MANBA: variants seen among roughly 807,000 people sequenced by gnomAD.
MANBA encodes mannosidase beta, also known as beta-mannosidase.
Under a neutral mutation model 111.1 loss-of-function variants are expected in MANBA, and 83 were observed. The observed-to-expected ratio is 0.75, with a 90% CI of 0.63 to 0.90. The LOEUF (loss-of-function observed/expected upper bound fraction) is 0.90, where lower values mean the gene tolerates loss of function less well. MANBA is among the 40% of genes least tolerant of loss of function. MANBA has a pLI of 0.00. For synonymous variants in MANBA, 370 were observed against 378.7 expected (o/e 0.98, Z 0.27); for missense variants, 1,036 against 1,069.0 (o/e 0.97, Z 0.43).
Position 102,691,417 on chromosome 4 carries a change from G to A in MANBA, c.674-646C>T, listed in dbSNP as rs766818764. 5.9e-5 allele frequency among the ~76,000 whole-genome samples: 9 copies of A among 151,406 alleles called. 1 individual carries two copies. The highest frequency in any genetic ancestry group is 1.9e-4 in the East Asian group (1 of 5,188). On this transcript the variant is annotated intron_variant, in intron 5 of 16. Transcript: ENST00000647097. ...CAAAAGCATAATAATATCAGGACAG[G>A]AGAAATAAAAGGTTGTCCTGAGAAA...
intron 1 of MANBA, among the ~76,000 whole-genome samples, chr4:102,759,566 G>GAAA (rs33991375): frequency 7.2e-6 from 1 of 138,812 alleles, no homozygotes; most frequent in African/African-American, 2.6e-5. Flanking sequence ...CACATCTCAG[G>GAAA]AAAAAAAAAA....
chr4:102,639,814 C>A lies in MANBA; in HGVS notation c.1913G>T (p.Arg638Leu). 1 of 1,613,984 alleles carries A rather than the reference C, an allele frequency of 6.2e-7. No individual in the cohort carries two copies. The highest frequency in any genetic ancestry group is 8.5e-7 in the Non-Finnish European group (1 of 1,179,960). The change falls in exon 14 of 17, where the codon CGC (arginine) becomes CTC (leucine). Residue 638 changes from arginine (R) to leucine (L), a missense_variant. Coordinates refer to ENST00000647097, the MANE Select transcript of MANBA (RefSeq NM_005908.4). ...ATCCACTATCTCGCTGCGACTACGG[C>A]GGTAGAATTCAGTTTCTGTTTTGAC... is the stretch of plus-strand genomic sequence containing the variant. ...QCVKTETEFY[R>L]RSRSEIVDQQ...
intron 1 of MANBA, among the ~76,000 whole-genome samples, chr4:102,737,409 G>C (rs184689005): frequency 2.0e-4 from 31 of 152,108 alleles, no homozygotes; most frequent in Non-Finnish European, 2.8e-4. Flanking sequence ...AGTGCTGTTG[G>C]GGGGGCACAG....
At chr4:102,636,150 T>G in intron 14 of MANBA, 143 bp from the exon 15 acceptor site, 1 of 739,436 alleles carries the variant, frequency 1.4e-6, no homozygotes, top group Non-Finnish European at 2.4e-6. Flanking sequence ...GCACCCATGT[T>G]TGTGAAGCGC....
At chr4:102,712,821 G>A (rs1578928496) in intron 5 of MANBA, among the ~76,000 whole-genome samples, 1 of 152,196 alleles carries the variant, frequency 6.6e-6, no homozygotes, top group East Asian at 1.9e-4. Context: ...GAGCCACTGC[G>A]CTCAGCTCAG....
intron 16 of MANBA, chr4:102,633,565 A>G (rs5026470): frequency 0.53 from 208,847 of 396,502 alleles, 55,951 homozygotes; most frequent in Admixed American, 0.64. Context: ...CGAATTAAAC[A>G]TTAACTAACA....
At chr4:102,714,394 C>T (rs1466158085) in intron 5 of MANBA, 44 bp downstream of exon 5, 1 of 1,551,736 alleles carries the variant, frequency 6.4e-7, no homozygotes, top group East Asian at 2.2e-5. Flanking sequence ...ATTTTTATAA[C>T]AAGAAGACTC....
At chr4:102,648,247 T>C (rs1459520305) in intron 13 of MANBA, among the ~76,000 whole-genome samples, 1 of 152,170 alleles carries the variant, frequency 6.6e-6, no homozygotes, top group East Asian at 1.9e-4. Flanking sequence ...AGGAAATCTA[T>C]GTCCATACGA....
chr4:102,651,791 G>T (rs1730345192), intron 12 of MANBA, among the ~76,000 whole-genome samples: 1 of 152,106 alleles, frequency 6.6e-6, no homozygotes. Flanking sequence ...CCTAATTACA[G>T]ATGTTTTTCC....
intron 7 of MANBA, among the ~76,000 whole-genome samples, chr4:102,682,215 G>C (rs1732018422): frequency 6.6e-6 from 1 of 151,062 alleles, no homozygotes; most frequent in Non-Finnish European, 1.5e-5. Flanking sequence ...TACAGGACTG[G>C]TAATAAAAAT....
chr4:102,652,632 T>C (rs2110205110), intron 12 of MANBA, among the ~76,000 whole-genome samples: 1 of 152,344 alleles, frequency 6.6e-6, no homozygotes, highest in Non-Finnish European at 1.5e-5. Context: ...GTTTCACACC[T>C]GTAATCCCAG....
At chr4:102,678,070 G>T (rs1008802275) in intron 7 of MANBA, among the ~76,000 whole-genome samples, 2 of 152,224 alleles carry the variant, frequency 1.3e-5, no homozygotes, top group East Asian at 3.9e-4. Context: ...GCAGAAAATA[G>T]AATTTATTTG....
intron 13 of MANBA, among the ~76,000 whole-genome samples, chr4:102,645,580 T>C (rs1052248005): frequency 2.0e-5 from 3 of 152,066 alleles, no homozygotes; most frequent in Non-Finnish European, 4.4e-5. Context: ...CTATTAAGAT[T>C]TTCTATTTCT....
At chr4:102,753,235 T>A (rs996154127) in intron 1 of MANBA, among the ~76,000 whole-genome samples, 1 of 152,070 alleles carries the variant, frequency 6.6e-6, no homozygotes, top group Non-Finnish European at 1.5e-5. Context: ...TTATGTTATA[T>A]TTGTCTCTAT....
chr4:102,653,458 A>G (rs1214985310), intron 12 of MANBA, among the ~76,000 whole-genome samples: 1 of 152,208 alleles, frequency 6.6e-6, no homozygotes, highest in Non-Finnish European at 1.5e-5. Flanking sequence ...ATATTTTATG[A>G]AAAATCAATG....
At chr4:102,750,096 T>C (rs1464393725) in intron 1 of MANBA, among the ~76,000 whole-genome samples, 1 of 152,240 alleles carries the variant, frequency 6.6e-6, no homozygotes, top group Non-Finnish European at 1.5e-5. Flanking sequence ...TGACTATTTC[T>C]GTTTAAATTA....
chr4:102,699,805 G>C (rs974236999), intron 5 of MANBA, among the ~76,000 whole-genome samples: 19 of 150,378 alleles, frequency 1.3e-4, no homozygotes, highest in African/African-American at 4.4e-4. Flanking sequence ...TGAAGGATAT[G>C]GGTCTAAAAT....
intron 5 of MANBA, among the ~76,000 whole-genome samples, chr4:102,710,111 T>C (rs1721991504): frequency 6.6e-6 from 1 of 152,166 alleles, no homozygotes; most frequent in Admixed American, 6.5e-5. Context: ...GGGAAAAAGA[T>C]GCCCACGTTC....
intron 1 of MANBA, among the ~76,000 whole-genome samples, chr4:102,754,562 T>A (rs766863035): frequency 6.6e-6 from 1 of 151,880 alleles, no homozygotes; most frequent in Non-Finnish European, 1.5e-5. Context: ...TTTATTTATT[T>A]ATTTTTTTTT....
Sources: gnomAD v4.1 joint callset for allele counts (sites outside exome capture counted in the v4.1 genomes callset) on GRCh38, gnomAD v4.1.1 for gene constraint, MANE v1.5 for transcripts, NCBI Gene and HGNC (gene_info 2026-07-23, HGNC 2026-07-21) for gene names.